The following ZNF141 variants were observed in gnomAD, a reference collection of about 807,000 sequenced individuals.
ZNF141 encodes zinc finger protein 141 (clone pHZ-44).
In ZNF141, 7 loss-of-function variants were observed where a neutral mutation model predicts 11.3. The ratio of observed to expected loss-of-function variants is 0.62; its 90% CI spans 0.35 to 1.16. The LOEUF is 1.16. Ranked by LOEUF, ZNF141 falls within the 50% of genes most tolerant of loss-of-function variation. The pLI is 0.02. For synonymous variants in ZNF141, 183 were observed against 190.7 expected (o/e 0.96, Z 0.33); for missense variants, 535 against 554.0 (o/e 0.97, Z 0.34).
At chr4:366,865 G>A (rs541902252) in intron 3 of ZNF141, among the ~76,000 whole-genome samples, 1 of 151,658 alleles carries the variant, frequency 6.6e-6, no homozygotes, top group East Asian at 2.0e-4. Context: ...ACAGTGTTTC[G>A]CCATGTTGAC....
At position 380,416 on chromosome 4, in the gene ZNF141, G is replaced by A. The variant is rs1023484699; in HGVS notation, c.*6554G>A. Reference sequence around the variant, plus strand: ...CACCTGTAATCCCAGCACTTTGGGCGCCCAAGGCAGGTGGATCATGAGGTC... The same window carrying A: ...CACCTGTAATCCCAGCACTTTGGGCACCCAAGGCAGGTGGATCATGAGGTC... On this transcript the variant is annotated 3_prime_UTR_variant, in exon 4 of 4. Transcript: ENST00000240499. Among the ~76,000 whole-genome samples, 6 of 152,080 alleles carry A rather than the reference G, an allele frequency of 3.9e-5. No individual in the cohort carries two copies. Among genetic ancestry groups the A allele is most frequent in the Non-Finnish European group, 7.4e-5 (5 of 68,014 alleles).
rs1321536398 is a variant in ZNF141 at position 381,019 on chromosome 4, C to T, written c.*7157C>T. On this transcript the variant is annotated 3_prime_UTR_variant, in exon 4 of 4. Transcript: ENST00000240499. ...AGCTTTCCTTTCAACTGTCCTTCACCACCCCTTTAGCAATTCAGAATATTT... is the reference window on the plus strand; with the variant it reads ...AGCTTTCCTTTCAACTGTCCTTCACTACCCCTTTAGCAATTCAGAATATTT... 6.6e-6 allele frequency among the ~76,000 whole-genome samples: 1 copy of T among 152,112 alleles called. No homozygotes were observed. The highest frequency in any genetic ancestry group is 1.5e-5 in the Non-Finnish European group (1 of 68,018).
intron 3 of ZNF141, among the ~76,000 whole-genome samples, chr4:357,096 C>G (rs1169305850): frequency 1.3e-5 from 2 of 152,116 alleles, no homozygotes; most frequent in African/African-American, 2.4e-5. Flanking sequence ...GCTGGAACTA[C>G]AAGCACATGC....
At chr4:363,436 A>C (rs1329180352) in intron 3 of ZNF141, among the ~76,000 whole-genome samples, 3 of 152,186 alleles carry the variant, frequency 2.0e-5, no homozygotes, top group Non-Finnish European at 4.4e-5. Context: ...GAGAGAAGGC[A>C]TCCCTGTCTT....
At chr4:363,271 G>T (rs1193762384) in intron 3 of ZNF141, among the ~76,000 whole-genome samples, 80 of 152,226 alleles carry the variant, frequency 5.3e-4, no homozygotes, top group Non-Finnish European at 2.2e-4. Flanking sequence ...TGAGATTTTG[G>T]GCTGAGACGA....
At chr4:343,600 A>G (rs991924675) in intron 1 of ZNF141, among the ~76,000 whole-genome samples, 182 bp from the exon 2 acceptor site, 2 of 151,694 alleles carry the variant, frequency 1.3e-5, no homozygotes, top group Admixed American at 6.6e-5. Context: ...TGGCGGGCAC[A>G]TGTAGTCCCA....
chr4:361,598 A>G (rs550855694), intron 3 of ZNF141, among the ~76,000 whole-genome samples: 15 of 152,118 alleles, frequency 9.9e-5, no homozygotes, highest in South Asian at 2.1e-4. Flanking sequence ...TCATTGTTCA[A>G]TTCCCACCTG....
chr4:372,259 A>G lies in ZNF141; in HGVS notation c.227-405A>G, dbSNP rs1338734391. ...TGGAGACAGAAACCAGGTTTTGTAAAGACACTCAAAAGCCAGAAGTAAGGA... is the reference window on the plus strand; with the variant it reads ...TGGAGACAGAAACCAGGTTTTGTAAGGACACTCAAAAGCCAGAAGTAAGGA... On this transcript the variant is annotated intron_variant, in intron 3 of 3. Transcript: ENST00000240499. 2.0e-5 allele frequency among the ~76,000 whole-genome samples: 3 copies of G among 152,262 alleles called. No individual in the cohort carries two copies. The East Asian group carries it at 5.8e-4, about 29-fold the overall frequency.
At chr4:368,443 C>T (rs369347784) in intron 3 of ZNF141, among the ~76,000 whole-genome samples, 1 of 152,114 alleles carries the variant, frequency 6.6e-6, no homozygotes, top group Admixed American at 6.6e-5. Context: ...GGTTTCACCA[C>T]ATTGGTCAAG....
At chr4:342,883 A>G (rs1721117386) in intron 1 of ZNF141, 4 of 1,606,244 alleles carry the variant, frequency 2.5e-6, no homozygotes, top group East Asian at 2.2e-5. Flanking sequence ...AAGGTTGAAC[A>G]GACTGCCGAA....
Position 376,983 on chromosome 4 carries a change from G to A in ZNF141, c.*3121G>A, listed in dbSNP as rs1407350548. The stretch of plus-strand genomic sequence containing the variant: ...ACTTCATGAAGTGTTTATTATGTGA[G>A]CTGGTCAGAAATTATAAGAATGATT... On this transcript the variant is annotated 3_prime_UTR_variant, in exon 4 of 4. Transcript: ENST00000240499. 6.6e-6 allele frequency among the ~76,000 whole-genome samples: 1 copy of A among 152,078 alleles called. No individual in the cohort carries two copies. The highest frequency in any genetic ancestry group is 1.5e-5 in the Non-Finnish European group (1 of 68,006).
chr4:353,463 A>T (rs868951134), intron 3 of ZNF141, among the ~76,000 whole-genome samples: 3,346 of 135,152 alleles, frequency 0.025, 64 homozygotes, highest in Middle Eastern at 0.059. Flanking sequence ...TATTATTATT[A>T]TTATTTTTTT....
At chr4:344,221 A>T in intron 2 of ZNF141, 114 bp from the exon 3 acceptor site, 1 of 1,067,908 alleles carries the variant, frequency 9.4e-7, no homozygotes, top group South Asian at 1.5e-5. Flanking sequence ...CAATTTTTGG[A>T]TTAATTTTCT....
In ZNF141 at chr4:380,934, T is replaced by G. The variant is rs147785843; in HGVS notation, c.*7072T>G. ...AAAATATACAGAAAAGAGAAATACTTCCTGTATTTAAACCATATAAACTCT... is the reference window on the plus strand; with the variant it reads ...AAAATATACAGAAAAGAGAAATACTGCCTGTATTTAAACCATATAAACTCT... On this transcript the variant is annotated 3_prime_UTR_variant, in exon 4 of 4. Coordinates refer to ENST00000240499, the MANE Select transcript of ZNF141 (RefSeq NM_003441.4). 3.9e-5 allele frequency among the ~76,000 whole-genome samples: 6 copies of G among 152,270 alleles called. No homozygotes were observed. Among genetic ancestry groups the G allele is most frequent in the African/African-American group, 1.4e-4 (6 of 41,552 alleles).
At chr4:361,393 T>C (rs1175676446) in intron 3 of ZNF141, among the ~76,000 whole-genome samples, 1 of 151,932 alleles carries the variant, frequency 6.6e-6, no homozygotes, top group Non-Finnish European at 1.5e-5. Context: ...TTCTGTTTTT[T>C]TTTTTTTTTA....
rs1721893818 is a variant in ZNF141 at position 357,414 on chromosome 4, GTC to G, written c.226+12987_226+12988del. Among the ~76,000 whole-genome samples the G allele has an allele frequency of 9.7e-5, 14 of 143,656 alleles. No individual in the cohort carries two copies. The Admixed American group carries it at 9.9e-4, about 10-fold the overall frequency. 94.2% of individuals were successfully genotyped at this position (143,656 alleles called of 152,430 possible). A position where few individuals can be genotyped will look rare whatever the true frequency, so the allele number is the denominator to read the frequency against. On this transcript the variant is annotated intron_variant, in intron 3 of 3. Coordinates refer to ENST00000240499, the MANE Select transcript of ZNF141 (RefSeq NM_003441.4). ...AGCCTGAGTGATAGAGTGAGACTCT[GTC>G]TCAAAAAAAAAAAAAAAAGAATCTC... is the stretch of plus-strand genomic sequence containing the variant.
At chr4:360,731 A>G (rs1183262383) in intron 3 of ZNF141, among the ~76,000 whole-genome samples, 1 of 152,218 alleles carries the variant, frequency 6.6e-6, no homozygotes. Flanking sequence ...ATACATAAAT[A>G]TATATGTGAC....
At chr4:341,371 G>A (rs1333811881) in intron 1 of ZNF141, among the ~76,000 whole-genome samples, 3 of 152,118 alleles carry the variant, frequency 2.0e-5, no homozygotes, top group Non-Finnish European at 4.4e-5. Flanking sequence ...TGTTTTGTGA[G>A]TTTTGATGCC....
At chr4:358,318 G>A (rs782230203) in intron 3 of ZNF141, 22 of 355,812 alleles carry the variant, frequency 6.2e-5, no homozygotes, top group South Asian at 4.6e-4. Flanking sequence ...CTCCCAAGTA[G>A]CTGGGATTAG....
Sources: gnomAD v4.1 joint callset for allele counts (sites outside exome capture counted in the v4.1 genomes callset) on GRCh38, gnomAD v4.1.1 for gene constraint, MANE v1.5 for transcripts, NCBI Gene and HGNC (gene_info 2026-07-23, HGNC 2026-07-21) for gene names.